Variants in ATOSA observed in about 807,000 individuals in gnomAD.
ATOSA encodes atos homolog protein A.
At chr15:52,654,675 A>G in the ATOSA span, among the ~76,000 whole-genome samples, 361 of 152,246 alleles carry the variant, frequency 2.4e-3, 1 homozygote, top group Non-Finnish European at 4.2e-3. Flanking sequence ...AGGATAGTAG[A>G]TCTTTTACAA....
the ATOSA span, chr15:52,605,208 A>C: frequency 1.2e-6 from 2 of 1,611,308 alleles, no homozygotes; most frequent in East Asian, 2.2e-5. Flanking sequence ...AATGAAAATT[A>C]TGTTTTCGCC....
the ATOSA span, among the ~76,000 whole-genome samples, chr15:52,681,203 C>A: frequency 6.6e-6 from 1 of 152,086 alleles, no homozygotes; most frequent in Admixed American, 6.5e-5. Flanking sequence ...TAAACCTGTT[C>A]AAAAATTTGA....
the ATOSA span, among the ~76,000 whole-genome samples, chr15:52,595,061 T>C: frequency 2.0e-5 from 3 of 152,324 alleles, no homozygotes; most frequent in East Asian, 3.9e-4. Flanking sequence ...AAGTTCCCTT[T>C]GTCTAGAATC....
chr15:52,709,041 G>A, the ATOSA span, among the ~76,000 whole-genome samples: 1 of 152,122 alleles, frequency 6.6e-6, no homozygotes, highest in East Asian at 1.9e-4. Context: ...GAGTATGGGA[G>A]AGTACTCCCT....
the ATOSA span, among the ~76,000 whole-genome samples, chr15:52,687,330 G>A: frequency 3.3e-3 from 509 of 152,348 alleles, 18 homozygotes; most frequent in East Asian, 0.059. Flanking sequence ...GCGTGAGCCC[G>A]GGAGGCGGAG....
chr15:52,705,535 G>A, the ATOSA span, among the ~76,000 whole-genome samples: 2 of 150,138 alleles, frequency 1.3e-5, no homozygotes. Context: ...AGAAAGAAGA[G>A]AAAAAAAAAA....
At chr15:52,623,344 G>C in the ATOSA span, among the ~76,000 whole-genome samples, 2 of 152,066 alleles carry the variant, frequency 1.3e-5, no homozygotes, top group Non-Finnish European at 2.9e-5. Flanking sequence ...GTGGATAAAA[G>C]AATAGGGGGA....
At chr15:52,584,090 GA>G in the ATOSA span, among the ~76,000 whole-genome samples, 3,614 of 41,936 alleles carry the variant, frequency 0.086, 115 homozygotes, top group African/African-American at 0.21. Flanking sequence ...GTCTCAAGAA[GA>G]AAAAAAAAAA....
the ATOSA span, among the ~76,000 whole-genome samples, chr15:52,703,750 G>C: frequency 1.3e-5 from 2 of 152,120 alleles, no homozygotes; most frequent in South Asian, 2.1e-4. Context: ...TAAATGACGA[G>C]TTGATGGGTG....
chr15:52,685,760 G>C, the ATOSA span, among the ~76,000 whole-genome samples: 1 of 152,170 alleles, frequency 6.6e-6, no homozygotes, highest in African/African-American at 2.4e-5. Context: ...CCAGGCTGGA[G>C]TGTAGTGGAG....
chr15:52,670,842 G>A, the ATOSA span, among the ~76,000 whole-genome samples: 3 of 152,176 alleles, frequency 2.0e-5, no homozygotes, highest in African/African-American at 7.2e-5. Flanking sequence ...TATCTTAGTT[G>A]AAGCTCAGAA....
At chr15:52,636,708 T>C in the ATOSA span, among the ~76,000 whole-genome samples, 1 of 152,202 alleles carries the variant, frequency 6.6e-6, no homozygotes, top group East Asian at 1.9e-4. Context: ...AGCTGATTAA[T>C]ATTCAAGGAT....
At chr15:52,704,817 C>G in the ATOSA span, among the ~76,000 whole-genome samples, 1 of 152,164 alleles carries the variant, frequency 6.6e-6, no homozygotes, top group South Asian at 2.1e-4. Context: ...CCATCTCACG[C>G]CAGTTAGAAT....
the ATOSA span, among the ~76,000 whole-genome samples, chr15:52,650,142 G>T: frequency 6.6e-6 from 1 of 152,046 alleles, no homozygotes; most frequent in Admixed American, 6.6e-5. Flanking sequence ...AATGAAAATT[G>T]CTAGATTGAC....
the ATOSA span, among the ~76,000 whole-genome samples, chr15:52,671,708 T>C: frequency 2.6e-5 from 4 of 151,916 alleles, no homozygotes; most frequent in African/African-American, 4.8e-5. Flanking sequence ...TTGGATAGGG[T>C]AGTGAGAGAA....
At chr15:52,614,368 T>C in the ATOSA span, among the ~76,000 whole-genome samples, 2 of 150,440 alleles carry the variant, frequency 1.3e-5, no homozygotes, top group African/African-American at 4.9e-5. Flanking sequence ...GGCCTCCCAA[T>C]GTGCTGGGAT....
the ATOSA span, chr15:52,613,980 T>A: frequency 1.2e-6 from 1 of 842,930 alleles, no homozygotes; most frequent in Non-Finnish European, 1.9e-6. Flanking sequence ...GTGAAAATAA[T>A]AAAAATGAGA....
At chr15:52,700,022 T>C in the ATOSA span, among the ~76,000 whole-genome samples, 1 of 152,232 alleles carries the variant, frequency 6.6e-6, no homozygotes, top group Non-Finnish European at 1.5e-5. Flanking sequence ...TGAACTACTT[T>C]ATTTTCAATG....
At chr15:52,687,628 A>G in the ATOSA span, among the ~76,000 whole-genome samples, 1 of 152,244 alleles carries the variant, frequency 6.6e-6, no homozygotes, top group Non-Finnish European at 1.5e-5. Context: ...CAGATGAAAC[A>G]GCATGTCACT....
Sources: gnomAD v4.1 joint callset for allele counts (sites outside exome capture counted in the v4.1 genomes callset) on GRCh38, gnomAD v4.1.1 for gene constraint, MANE v1.5 for transcripts, NCBI Gene and HGNC (gene_info 2026-07-23, HGNC 2026-07-21) for gene names.